The following TRANK1 variants were observed in gnomAD, a reference collection of about 807,000 sequenced individuals.
The protein encoded by TRANK1 is tetratricopeptide repeat and ankyrin repeat containing 1.
TRANK1 carries 198 observed loss-of-function variants against 266.0 expected under a neutral mutation model. The ratio of observed to expected loss-of-function variants is 0.74; its 90% CI spans 0.66 to 0.84. The LOEUF (loss-of-function observed/expected upper bound fraction) is 0.84, where lower values mean the gene tolerates loss of function less well. Ranked by LOEUF, TRANK1 falls within the 40% of genes least tolerant of loss-of-function variation. TRANK1 has a pLI of 0.00. For missense variants in TRANK1, 3,326 were observed against 3,634.6 expected (o/e 0.92, Z 2.18); for synonymous variants, 1,396 against 1,384.1 (o/e 1.01, Z -0.19).
Position 36,892,888 on chromosome 3 carries a change from T to TATAG in TRANK1, c.636+12_636+13insCTAT. 1.6e-6 allele frequency: 2 copies of TATAG among 1,218,790 alleles called. No homozygotes were observed. The highest frequency in any genetic ancestry group is 3.1e-5 in the African/African-American group (2 of 64,298). 75.5% of individuals were successfully genotyped at this position (1,218,790 alleles called of 1,614,324 possible). ...ATATATATAGATATATATAGATATA[T>TATAG]ATATCACCTTACCTCAAAGAGACTT... is the stretch of plus-strand genomic sequence containing the variant. On this transcript the variant is annotated intron_variant, in intron 6 of 23. Coordinates refer to ENST00000645898, the MANE Select transcript of TRANK1 (RefSeq NM_001329998.2).
chr3:36,943,300 G>A (rs1304121178), intron 1 of TRANK1, among the ~76,000 whole-genome samples: 1 of 152,126 alleles, frequency 6.6e-6, no homozygotes, highest in Non-Finnish European at 1.5e-5. Flanking sequence ...GTGTATGTGT[G>A]TGTGCGTATA....
Position 36,858,743 on chromosome 3 carries a change from T to C in TRANK1, c.1647A>G (p.Ala549=), listed in dbSNP as rs2125548495. The C allele has an allele frequency of 6.5e-7, 1 of 1,534,412 alleles. No homozygotes were observed. The highest frequency in any genetic ancestry group is 2.0e-5 in the Admixed American group (1 of 50,622). The stretch of plus-strand genomic sequence containing the variant: ...CTTTAATCTCTAGAAAGATGTGGAG[T>C]GCTGCATGCAAAGGAGTATCACCTT... ...LTEGDTPLHA[A]LHIFLEIKAD... Residue 549 remains alanine (A), a synonymous_variant, in exon 12 of 24, where the codon GCA becomes GCG. Transcript: ENST00000645898.
chr3:36,851,643 C>A, intron 15 of TRANK1, 76 bp downstream of exon 15: 1 of 1,509,262 alleles, frequency 6.6e-7, no homozygotes, highest in South Asian at 1.3e-5. Context: ...CCCTCAACTC[C>A]AAATTCTCTT....
At chr3:36,841,827 G>A (rs376401814) in intron 18 of TRANK1, among the ~76,000 whole-genome samples, 1 of 151,992 alleles carries the variant, frequency 6.6e-6, no homozygotes, top group African/African-American at 2.4e-5. Flanking sequence ...GAGATGGAAT[G>A]AGACTGGGCC....
intron 1 of TRANK1, chr3:36,929,530 C>T (rs1217770613): frequency 6.6e-6 from 1 of 152,110 alleles, no homozygotes; most frequent in Non-Finnish European, 1.5e-5. Context: ...GAAACACATG[C>T]CATATGTAAT....
intron 1 of TRANK1, among the ~76,000 whole-genome samples, chr3:36,928,781 AAAC>A (rs1191375914): frequency 6.6e-6 from 1 of 152,320 alleles, no homozygotes; most frequent in African/African-American, 2.4e-5. Context: ...TATGGAGAAA[AAAC>A]AAAACTTTAC....
chr3:36,878,153 T>C (rs1030015623), intron 8 of TRANK1, among the ~76,000 whole-genome samples: 2 of 152,196 alleles, frequency 1.3e-5, no homozygotes, highest in African/African-American at 4.8e-5. Context: ...GCAGCAGCAT[T>C]AGATTCTTAT....
At chr3:36,844,380 C>A (rs1240898079) in intron 17 of TRANK1, among the ~76,000 whole-genome samples, 1 of 152,172 alleles carries the variant, frequency 6.6e-6, no homozygotes, top group East Asian at 1.9e-4. Flanking sequence ...GCATGCACCA[C>A]CACACCGGGC....
chr3:36,884,715 G>A (rs544301799), intron 8 of TRANK1, among the ~76,000 whole-genome samples: 5 of 152,166 alleles, frequency 3.3e-5, no homozygotes, highest in South Asian at 2.1e-4. Flanking sequence ...GGTGAATCAC[G>A]TGAGGCCAAG....
chr3:36,830,025 T>C (rs183984706), intron 22 of TRANK1, among the ~76,000 whole-genome samples: 1 of 152,272 alleles, frequency 6.6e-6, no homozygotes, highest in African/African-American at 2.4e-5. Flanking sequence ...ATAGTGTTGA[T>C]AAGAAGTAGC....
At chr3:36,866,032 GAGAGAGAC>G in intron 9 of TRANK1, among the ~76,000 whole-genome samples, 1 of 145,956 alleles carries the variant, frequency 6.9e-6, no homozygotes, top group East Asian at 2.0e-4. Context: ...AAGAAAGAGA[GAGAGAGAC>G]AGACAGAAAG....
intron 1 of TRANK1, among the ~76,000 whole-genome samples, chr3:36,940,986 G>A (rs1176275189): frequency 6.6e-6 from 1 of 152,154 alleles, no homozygotes; most frequent in African/African-American, 2.4e-5. Context: ...GGACCTTCAT[G>A]GGCAGAAGAT....
chr3:36,923,092 G>T (rs4678915), intron 1 of TRANK1, among the ~76,000 whole-genome samples: 83 of 151,958 alleles, frequency 5.5e-4, no homozygotes, highest in Admixed American at 3.6e-3. Flanking sequence ...AGCACTGCAC[G>T]TAGCATTCTG....
In TRANK1 at chr3:36,892,346, G is replaced by GA. The variant is rs375925972; in HGVS notation, c.637-7dup. 5.4e-5 allele frequency: 82 copies of GA among 1,532,120 alleles called. No individual in the cohort carries two copies. In the African/African-American group the frequency reaches 5.9e-4, roughly 11 times the overall value. The allele number at this position is 1,532,120 out of a possible 1,614,324, so 94.9% of individuals were successfully genotyped here. A position where few individuals can be genotyped will look rare whatever the true frequency, so the allele number is the denominator to read the frequency against. ...AGTCCAATGAAAACGTATTTCTGGG[G>GA]AAAAAAAACACACAGGACAAATTAT... On this transcript the variant is annotated splice_region_variant and splice_polypyrimidine_tract_variant and intron_variant, in intron 6 of 23. Coordinates refer to ENST00000645898, the MANE Select transcript of TRANK1 (RefSeq NM_001329998.2).
rs377450192 is a variant in TRANK1 at position 36,833,634 on chromosome 3, G to A, written c.5949C>T (p.Ala1983=). 36 of 1,613,744 alleles carry A rather than the reference G, an allele frequency of 2.2e-5. No individual in the cohort carries two copies. Among genetic ancestry groups the A allele is most frequent in the African/African-American group, 8.0e-5 (6 of 74,906 alleles). Residue 1983 remains alanine, a synonymous_variant, in exon 22 of 24, where the codon GCC becomes GCT. Transcript: ENST00000645898. ...GCLLEAARLT[A]DKDFQASCLL... ...GACATGAGGCCTGGAAGTCCTTGTCGGCAGTGAGCCTGGCAGCCTCCAGGA... is the reference window on the plus strand; with the variant it reads ...GACATGAGGCCTGGAAGTCCTTGTCAGCAGTGAGCCTGGCAGCCTCCAGGA...
Position 36,944,777 on chromosome 3 carries a change from C to T in TRANK1, c.23+10G>A. 4 of 1,497,648 alleles carry T rather than the reference C, an allele frequency of 2.7e-6. No homozygotes were observed. The highest frequency in any genetic ancestry group is 3.5e-6 in the Non-Finnish European group (4 of 1,130,614). 92.8% of individuals were successfully genotyped at this position (1,497,648 alleles called of 1,614,324 possible). On this transcript the variant is annotated intron_variant, in intron 1 of 23. Transcript: ENST00000645898. ...AGAGATGCCCCAGTGCTTCCCGCGC[C>T]GCTACGCACCTAGCTGCCCGCGGGT...
chr3:36,833,374 G>A lies in TRANK1; in HGVS notation c.6209C>T (p.Ala2070Val). Residue 2070 changes from alanine to valine, a missense_variant, in exon 22 of 24, where the codon GCC (alanine) becomes GTC (valine). By Grantham distance (64) the Ala-to-Val change is moderately conservative. Coordinates refer to ENST00000645898, the MANE Select transcript of TRANK1 (RefSeq NM_001329998.2). ...CTCAGGCTCGGCCTCACACTGGCTG[G>A]CTGCTTCGTAGAGTGCTTCCACCAC... ...AGVVEALYEA[A>V]SQCEAEPEKI... 6.2e-7 allele frequency: 1 copy of A among 1,613,888 alleles called. No homozygotes were observed. Among genetic ancestry groups the A allele is most frequent in the Non-Finnish European group, 8.5e-7 (1 of 1,179,816 alleles).
chr3:36,932,775 G>C (rs2080377197), intron 1 of TRANK1, among the ~76,000 whole-genome samples: 2 of 152,154 alleles, frequency 1.3e-5, no homozygotes, highest in African/African-American at 4.8e-5. Flanking sequence ...TCTTTGGGGA[G>C]CAGATCTGGG....
At chr3:36,842,765 CTG>C (rs1451989999) in intron 17 of TRANK1, 55 bp from the exon 18 acceptor site, 3 of 1,510,136 alleles carry the variant, frequency 2.0e-6, no homozygotes, top group Non-Finnish European at 2.7e-6. Context: ...TCACTTAAAA[CTG>C]TTGTTATGGG....
Sources: gnomAD v4.1 joint callset for allele counts (sites outside exome capture counted in the v4.1 genomes callset) on GRCh38, gnomAD v4.1.1 for gene constraint, MANE v1.5 for transcripts, NCBI Gene and HGNC (gene_info 2026-07-23, HGNC 2026-07-21) for gene names.